The following PARL variants were observed in gnomAD, a reference collection of about 807,000 sequenced individuals.
PARL encodes the protein presenilin-associated rhomboid-like protein, mitochondrial.
A neutral mutation model predicts 51.6 loss-of-function variants in PARL; 44 were observed. The observed-to-expected ratio is 0.85, with a 90% CI of 0.67 to 1.10. PARL has a LOEUF of 1.10. Among genes scored for constraint, PARL ranks in the 50% least tolerant of loss-of-function variants. The pLI is 0.00. For missense variants in PARL, 441 were observed against 469.5 expected (o/e 0.94, Z 0.56); for synonymous variants, 172 against 164.0 (o/e 1.05, Z -0.37).
Position 183,867,930 on chromosome 3 carries a change from T to C in PARL, c.256A>G (p.Thr86Ala), listed in dbSNP as rs1332042334. Reference protein sequence around the residue: ...RSALIPPVEETVFYPSPYPIR... With the variant: ...RSALIPPVEEAVFYPSPYPIR... ...GGATAGGGAGAAGGATAAAAGACTG[T>C]TTCTTCCACAGGAGGAATCAAAGCA... The change falls in exon 2 of 10, where the codon ACA (threonine) becomes GCA (alanine). Residue 86 changes from threonine (T) to alanine (A), a missense_variant. Thr to Ala is a moderately conservative substitution (Grantham distance 58, BLOSUM62 0). Transcript: ENST00000317096. 1 of 1,613,850 alleles carries C rather than the reference T, an allele frequency of 6.2e-7. No individual in the cohort carries two copies. The highest frequency in any genetic ancestry group is 2.2e-5 in the East Asian group (1 of 44,888).
At chr3:183,855,163 G>C (rs1731005855) in intron 4 of PARL, among the ~76,000 whole-genome samples, 1 of 152,092 alleles carries the variant, frequency 6.6e-6, no homozygotes, top group Admixed American at 6.6e-5. Flanking sequence ...GGAGGGAATG[G>C]GGGAGTGACT....
intron 7 of PARL, among the ~76,000 whole-genome samples, chr3:183,834,379 A>T (rs1728308297): frequency 6.6e-6 from 1 of 152,156 alleles, no homozygotes; most frequent in Non-Finnish European, 1.5e-5. Context: ...GCACCACTGC[A>T]CTCCTGCCTG....
intron 4 of PARL, among the ~76,000 whole-genome samples, chr3:183,858,191 A>G (rs568568235): frequency 6.6e-6 from 1 of 152,330 alleles, no homozygotes; most frequent in East Asian, 1.9e-4. Context: ...ACAGTGACTG[A>G]TTCTGATTAA....
In PARL at chr3:183,833,786, T is replaced by C. The variant is rs1483284179; in HGVS notation, c.868A>G (p.Lys290Glu). The change falls in exon 8 of 10, where the codon AAG (lysine) becomes GAG (glutamate). Residue 290 changes from lysine (K) to glutamate (E), a missense_variant. Coordinates refer to ENST00000317096, the MANE Select transcript of PARL (RefSeq NM_018622.7). ...IMTVLAAVCT[K>E]IPEGRLAIIF... Reference sequence around the variant, plus strand: ...ATGGCAAGCCTCCCTTCTGGGATCTTAGTGCAGACAGCTGCGAGGACTGTC... The same window carrying C: ...ATGGCAAGCCTCCCTTCTGGGATCTCAGTGCAGACAGCTGCGAGGACTGTC... 6.2e-7 allele frequency: 1 copy of C among 1,613,562 alleles called. No homozygotes were observed. Among genetic ancestry groups the C allele is most frequent in the Admixed American group, 1.7e-5 (1 of 60,026 alleles).
Position 183,831,490 on chromosome 3 carries a change from C to T in PARL, c.1029-1781G>A, listed in dbSNP as rs572943608. 2.6e-5 allele frequency among the ~76,000 whole-genome samples: 4 copies of T among 152,318 alleles called. No individual in the cohort carries two copies. The South Asian group carries it at 8.3e-4, about 32-fold the overall frequency. ...TGAAACTCCAGCTCTGCAATTGTTA[C>T]TTGTGTGACCTGGATAAGTTACTTT... On this transcript the variant is annotated intron_variant, in intron 9 of 9. Transcript: ENST00000317096.
chr3:183,857,888 C>G (rs1210980885), intron 4 of PARL, among the ~76,000 whole-genome samples: 1 of 152,126 alleles, frequency 6.6e-6, no homozygotes, highest in Non-Finnish European at 1.5e-5. Context: ...TGGTGGTTTG[C>G]TATTCTAGAA....
chr3:183,864,890 A>T (rs1308583043), intron 3 of PARL, among the ~76,000 whole-genome samples: 1 of 150,798 alleles, frequency 6.6e-6, no homozygotes, highest in East Asian at 1.9e-4. Context: ...AAAGCTCTAA[A>T]AGCTCCATAT....
chr3:183,857,956 C>T (rs1731357380), intron 4 of PARL, among the ~76,000 whole-genome samples: 1 of 152,130 alleles, frequency 6.6e-6, no homozygotes, highest in African/African-American at 2.4e-5. Flanking sequence ...GATTTGATTC[C>T]CGAATCCACC....
At chr3:183,841,476 G>A (rs559009828) in intron 6 of PARL, among the ~76,000 whole-genome samples, 1 of 152,248 alleles carries the variant, frequency 6.6e-6, no homozygotes, top group African/African-American at 2.4e-5. Context: ...AGTATCATGA[G>A]GTTTAGTCAT....
intron 4 of PARL, among the ~76,000 whole-genome samples, chr3:183,852,709 A>C (rs1467635800): frequency 6.6e-6 from 1 of 152,234 alleles, no homozygotes; most frequent in African/African-American, 2.4e-5. Flanking sequence ...TAAAGCAACT[A>C]AAGTGTGCAC....
intron 1 of PARL, among the ~76,000 whole-genome samples, chr3:183,877,789 A>C (rs1734012068): frequency 6.9e-6 from 1 of 144,634 alleles, no homozygotes. Flanking sequence ...ACTGGCTTAA[A>C]ACCATAATTT....
rs571765154 is a variant in PARL at position 183,877,042 on chromosome 3, T to C, written c.125+7680A>G. Among the ~76,000 whole-genome samples, 10 of 152,306 alleles carry C rather than the reference T, an allele frequency of 6.6e-5. No homozygotes were observed. The South Asian group carries it at 2.1e-3, about 32-fold the overall frequency. ...GCCTGGCCAACATGGTGAAACCTCA[T>C]CTTTATTAAAAATTCAAAAAAATTA... On this transcript the variant is annotated intron_variant, in intron 1 of 9. Coordinates refer to ENST00000317096, the MANE Select transcript of PARL (RefSeq NM_018622.7).
At chr3:183,829,267 C>G (rs1352777677), downstream of PARL, 1 of 494,120 alleles carries the variant, frequency 2.0e-6, no homozygotes, top group Non-Finnish European at 3.3e-6. Context: ...GACAGGCAAC[C>G]AGCGCCTTCA....
At chr3:183,831,156 A>G (rs1259462787) in intron 9 of PARL, among the ~76,000 whole-genome samples, 1 of 152,152 alleles carries the variant, frequency 6.6e-6, no homozygotes, top group East Asian at 1.9e-4. Flanking sequence ...TTGTATTTTT[A>G]GTAGAGACGA....
At chr3:183,876,275 G>C (rs1040954385) in intron 1 of PARL, among the ~76,000 whole-genome samples, 1 of 152,246 alleles carries the variant, frequency 6.6e-6, no homozygotes, top group Non-Finnish European at 1.5e-5. Context: ...TTGAACTCCT[G>C]ATCTCAGGCG....
At chr3:183,826,821 G>A (rs760793702), downstream of PARL, 12 of 974,290 alleles carry the variant, frequency 1.2e-5, no homozygotes, top group East Asian at 1.1e-4. Flanking sequence ...GGCAGATGGC[G>A]CTTGGGACTA....
chr3:183,828,536 AC>A (rs531342715), downstream of PARL, among the ~76,000 whole-genome samples: 7 of 152,328 alleles, frequency 4.6e-5, no homozygotes, highest in South Asian at 1.5e-3. Context: ...CATAGTAGAA[AC>A]AAGTCCAGCC....
At chr3:183,854,949 A>G (rs1730977086) in intron 4 of PARL, among the ~76,000 whole-genome samples, 1 of 152,170 alleles carries the variant, frequency 6.6e-6, no homozygotes, top group Non-Finnish European at 1.5e-5. Flanking sequence ...ATACACTGGA[A>G]TATCATTTGG....
chr3:183,847,296 C>T (rs1327696815), intron 4 of PARL, among the ~76,000 whole-genome samples: 4 of 152,268 alleles, frequency 2.6e-5, no homozygotes, highest in East Asian at 3.9e-4. Context: ...TGGTGGCTCA[C>T]GCCTATAATC....
Sources: allele counts gnomAD v4.1 joint callset (sites outside exome capture counted in the v4.1 genomes callset), GRCh38; gene constraint gnomAD v4.1.1; transcripts MANE v1.5; gene names NCBI Gene and HGNC (gene_info 2026-07-23, HGNC 2026-07-21).